The following SDHAF3 variants were observed in gnomAD, a reference collection of about 807,000 sequenced individuals.
SDHAF3 encodes succinate dehydrogenase complex assembly factor 3, also known as succinate dehydrogenase assembly factor 3, mitochondrial.
In SDHAF3, 18 loss-of-function variants were observed where a neutral mutation model predicts 11.5. That is an observed-to-expected ratio of 1.56 (90% CI 1.08 to 2.32). The LOEUF (loss-of-function observed/expected upper bound fraction) is 2.32. Ranked by LOEUF, SDHAF3 falls within the 30% of genes most tolerant of loss-of-function variation. The pLI, the probability that SDHAF3 is intolerant of heterozygous loss-of-function variation, is 0.00. For synonymous variants in SDHAF3, 72 were observed against 59.3 expected, an observed-to-expected ratio of 1.21 and a Z score of -0.99; for missense variants, 200 against 154.4, an observed-to-expected ratio of 1.30 and a Z score of -1.57.
intron 1 of SDHAF3, among the ~76,000 whole-genome samples, chr7:97,168,298 G>A (rs968809043): frequency 2.0e-5 from 3 of 152,198 alleles, no homozygotes; most frequent in African/African-American, 4.8e-5. Context: ...CAATTTGGGG[G>A]AGGGTCAGAA....
chr7:97,124,540 A>G (rs183163132), intron 1 of SDHAF3, among the ~76,000 whole-genome samples: 210 of 152,250 alleles, frequency 1.4e-3, no homozygotes, highest in African/African-American at 4.9e-3. Flanking sequence ...AAGAAAGTCA[A>G]TGGTAGCTTG....
At position 97,142,042 on chromosome 7, in the gene SDHAF3, C is replaced by CTTTTTTTT. The variant is rs71131003; in HGVS notation, c.174+24167_174+24174dup. On this transcript the variant is annotated intron_variant, in intron 1 of 1. Transcript: ENST00000432641. Reference sequence around the variant, plus strand: ...AGCAATGAAATGTGTGAATTGTTGTCTTTTTTTTTTTTTTTTTTTTTTTTT... The same window carrying CTTTTTTTT: ...AGCAATGAAATGTGTGAATTGTTGTCTTTTTTTTTTTTTTTTTTTTTTTTTTTTTTTTT... 5.7e-4 allele frequency among the ~76,000 whole-genome samples: 35 copies of CTTTTTTTT among 61,694 alleles called. 7 individuals are homozygous for CTTTTTTTT. The highest frequency in any genetic ancestry group is 1.8e-3 in the African/African-American group (29 of 15,992). The allele number at this position is 61,694 out of a possible 152,430, so 40.5% of individuals were successfully genotyped here.
At chr7:97,125,611 C>T (rs562116666) in intron 1 of SDHAF3, among the ~76,000 whole-genome samples, 2 of 152,188 alleles carry the variant, frequency 1.3e-5, no homozygotes, top group East Asian at 3.9e-4. Flanking sequence ...TCCTTTCTTC[C>T]TCTTTGTTGA....
rs1791433823 is a variant in SDHAF3, at chr7:97,117,968, C to T, written c.174+71C>T. On this transcript the variant is annotated intron_variant, in intron 1 of 1. Coordinates refer to ENST00000432641, the MANE Select transcript of SDHAF3 (RefSeq NM_020186.3). Reference sequence around the variant, plus strand: ...CGGTGTCCAGGTTTCTAGTTCCAGTCCCCCATGCGGGGTTAAACAGAGCAG... The same window carrying T: ...CGGTGTCCAGGTTTCTAGTTCCAGTTCCCCATGCGGGGTTAAACAGAGCAG... The T allele has an allele frequency of 4.5e-6, 7 of 1,561,022 alleles. No homozygotes were observed. In the Middle Eastern group the frequency reaches 8.6e-4, roughly 192 times the overall value.
intron 1 of SDHAF3, among the ~76,000 whole-genome samples, chr7:97,168,094 C>T (rs970458278): frequency 6.6e-6 from 1 of 152,150 alleles, no homozygotes; most frequent in African/African-American, 2.4e-5. Context: ...GGTATTCAGT[C>T]TGTGAGGTGG....
chr7:97,148,481 C>T (rs1327524115), intron 1 of SDHAF3, among the ~76,000 whole-genome samples: 1 of 152,102 alleles, frequency 6.6e-6, no homozygotes, highest in Non-Finnish European at 1.5e-5. Context: ...AGGCTGAAGC[C>T]AGCTATGATT....
At chr7:97,121,916 G>T (rs1162421710) in intron 1 of SDHAF3, among the ~76,000 whole-genome samples, 7 of 149,084 alleles carry the variant, frequency 4.7e-5, no homozygotes, top group Non-Finnish European at 1.0e-4. Context: ...GGAGTGCAGT[G>T]GCGTGATCTC....
chr7:97,152,061 A>C (rs1021733687), intron 1 of SDHAF3, among the ~76,000 whole-genome samples: 2 of 152,172 alleles, frequency 1.3e-5, no homozygotes, highest in East Asian at 1.9e-4. Context: ...ATGTATAACG[A>C]CATGTATCCA....
chr7:97,166,385 T>A (rs776383244), intron 1 of SDHAF3, among the ~76,000 whole-genome samples: 4 of 151,994 alleles, frequency 2.6e-5, no homozygotes, highest in Non-Finnish European at 4.4e-5. Flanking sequence ...GAGTTCCAGG[T>A]CATAGGGGGA....
rs548762639 is a variant in SDHAF3, at chr7:97,177,501, C to CA, written c.175-3501dup. ...TGGGCAACAGAGCGAGACTCCGTCTCAAAAAAAAAATAAGATACCCATTAA... is the reference window on the plus strand; with the variant it reads ...TGGGCAACAGAGCGAGACTCCGTCTCAAAAAAAAAAATAAGATACCCATTAA... On this transcript the variant is annotated intron_variant, in intron 1 of 1. Coordinates refer to ENST00000432641, the MANE Select transcript of SDHAF3 (RefSeq NM_020186.3). Among the ~76,000 whole-genome samples the CA allele has an allele frequency of 8.7e-3, 1,277 of 147,170 alleles. 12 individuals are homozygous for CA. The highest frequency in any genetic ancestry group is 0.024 in the African/African-American group (954 of 40,250).
At chr7:97,169,064 G>C (rs927821299) in intron 1 of SDHAF3, among the ~76,000 whole-genome samples, 2 of 152,298 alleles carry the variant, frequency 1.3e-5, no homozygotes, top group East Asian at 3.9e-4. Flanking sequence ...GGGTGCGGTG[G>C]CTCATGCCTG....
intron 1 of SDHAF3, among the ~76,000 whole-genome samples, chr7:97,149,879 A>T (rs1240688401): frequency 6.6e-6 from 1 of 152,236 alleles, no homozygotes; most frequent in Non-Finnish European, 1.5e-5. Flanking sequence ...CATTTTATGC[A>T]CAGTAGTCAT....
chr7:97,128,080 T>C (rs1024450555), intron 1 of SDHAF3, among the ~76,000 whole-genome samples: 25 of 151,920 alleles, frequency 1.6e-4, no homozygotes, highest in Admixed American at 6.6e-5. Flanking sequence ...ATATTTTTAG[T>C]AGAGATGGGG....
chr7:97,172,450 C>G (rs774786777), intron 1 of SDHAF3, among the ~76,000 whole-genome samples: 5 of 152,154 alleles, frequency 3.3e-5, no homozygotes, highest in Non-Finnish European at 7.3e-5. Context: ...TCTTGTCTTT[C>G]TGTGACTCTT....
chr7:97,166,318 T>G (rs1789503734), intron 1 of SDHAF3, among the ~76,000 whole-genome samples: 1 of 152,144 alleles, frequency 6.6e-6, no homozygotes, highest in Non-Finnish European at 1.5e-5. Flanking sequence ...TAAATACATG[T>G]AAGATGTACA....
chr7:97,166,168 T>C (rs1455267169), intron 1 of SDHAF3, among the ~76,000 whole-genome samples: 1 of 152,204 alleles, frequency 6.6e-6, no homozygotes, highest in Non-Finnish European at 1.5e-5. Flanking sequence ...CTGAGACAAG[T>C]CTAAACCAAT....
At chr7:97,130,267 G>A (rs916191652) in intron 1 of SDHAF3, among the ~76,000 whole-genome samples, 1 of 119,840 alleles carries the variant, frequency 8.3e-6, no homozygotes, top group African/African-American at 3.4e-5. Flanking sequence ...GTGATACCCA[G>A]TCTAAAAAAA....
At chr7:97,130,624 C>T (rs1030237708) in intron 1 of SDHAF3, among the ~76,000 whole-genome samples, 13 of 152,188 alleles carry the variant, frequency 8.5e-5, no homozygotes, top group Admixed American at 4.6e-4. Flanking sequence ...CACGTGTGGC[C>T]GCAGCCCTGT....
At chr7:97,163,548 T>C (rs910351880) in intron 1 of SDHAF3, among the ~76,000 whole-genome samples, 1 of 152,210 alleles carries the variant, frequency 6.6e-6, no homozygotes, top group Non-Finnish European at 1.5e-5. Flanking sequence ...TGTGTGTCCT[T>C]GCACGTGAGA....
Sources: allele counts gnomAD v4.1 joint callset (sites outside exome capture counted in the v4.1 genomes callset), GRCh38; gene constraint gnomAD v4.1.1; transcripts MANE v1.5; gene names NCBI Gene and HGNC (gene_info 2026-07-23, HGNC 2026-07-21).